The following LIN28A variants were observed in gnomAD, a reference collection of about 807,000 sequenced individuals.
LIN28A encodes the protein lin-28 RNA binding posttranscriptional regulator A.
LIN28A carries 11 observed loss-of-function variants against 21.1 expected under a neutral mutation model. The ratio of observed to expected loss-of-function variants is 0.52; its 90% CI spans 0.33 to 0.86. The LOEUF is 0.86. LIN28A is among the 40% of genes least tolerant of loss of function. LIN28A has a pLI of 0.03. For missense variants in LIN28A, 219 were observed against 279.8 expected (o/e 0.78, Z 1.55); for synonymous variants, 111 against 108.7 (o/e 1.02, Z -0.13).
Position 26,426,375 on chromosome 1 carries a change from A to G in LIN28A, c.547A>G (p.Ser183Gly). 1 of 1,610,800 alleles carries G rather than the reference A, an allele frequency of 6.2e-7. No individual in the cohort carries two copies. The highest frequency in any genetic ancestry group is 1.1e-5 in the South Asian group (1 of 91,006). The change falls in exon 4 of 4, where the codon AGT (serine) becomes GGT (glycine). Residue 183 changes from serine (S) to glycine (G), a missense_variant. Transcript: ENST00000326279. ...TCCGCTGAAGGCCCAGCAGGGCCCTAGTGCACAGGGAAAGCCAACCTACTT... is the reference window on the plus strand; with the variant it reads ...TCCGCTGAAGGCCCAGCAGGGCCCTGGTGCACAGGGAAAGCCAACCTACTT... Reference protein sequence around the residue: ...SCPLKAQQGPSAQGKPTYFRE... With the variant: ...SCPLKAQQGPGAQGKPTYFRE...
rs974066359 is a variant in LIN28A at position 26,411,911 on chromosome 1, G to C, written c.228+329G>C. 1.3e-5 allele frequency among the ~76,000 whole-genome samples: 2 copies of C among 152,230 alleles called. No homozygotes were observed. The highest frequency in any genetic ancestry group is 2.4e-5 in the African/African-American group (1 of 41,460). On this transcript the variant is annotated intron_variant, in intron 2 of 3. Transcript: ENST00000326279. The surrounding 1 kb of genome is among the most constrained non-coding windows in gnomAD (Gnocchi z 5.4). ...TAAGGTTGTATTGTGCTTGCCGGTG[G>C]GGGGAGGGCGAGCAGGCCGGCCAGG...
Position 26,410,817 on chromosome 1 carries a change from C to T in LIN28A, c.-75C>T. The T allele has an allele frequency of 6.6e-7, 1 of 1,518,804 alleles. No individual in the cohort carries two copies. 94.1% of individuals were successfully genotyped at this position (1,518,804 alleles called of 1,614,324 possible). ...GTAGCAGCTTCTTCTCCGAACCAAC[C>T]CTTTGCCTTCGGACTTCTCCGGGGC... On this transcript the variant is annotated 5_prime_UTR_variant, in exon 1 of 4. Coordinates refer to ENST00000326279, the MANE Select transcript of LIN28A (RefSeq NM_024674.6).
Position 26,411,011 on chromosome 1 carries a change from C to A in LIN28A, c.31+89C>A. 6.6e-7 allele frequency: 1 copy of A among 1,504,664 alleles called. No individual in the cohort carries two copies. The highest frequency in any genetic ancestry group is 9.0e-7 in the Non-Finnish European group (1 of 1,115,720). The allele number at this position is 1,504,664 out of a possible 1,614,324, so 93.2% of individuals were successfully genotyped here. On this transcript the variant is annotated intron_variant, in intron 1 of 3. Transcript: ENST00000326279. This position sits in a 1 kb window ranked among gnomAD's most constrained non-coding sequence, Gnocchi z 5.4. ...GGGAGGTGGGGAACTGAGTCCTAGG[C>A]TGCCCAAAGGACCCCAAGACGGTGC...
chr1:26,426,292 C>G lies in LIN28A; in HGVS notation c.464C>G (p.Pro155Arg). ...CATCATGCCAAGGAATGCAAGCTGC[C>G]ACCCCAGCCCAAGAAGTGCCACTTC... ...LDHHAKECKL[P>R]PQPKKCHFCQ... is the part of the protein sequence containing the mutation. Residue 155 changes from proline to arginine, a missense_variant, in exon 4 of 4, where the codon CCA becomes CGA. Pro to Arg is a moderately radical substitution (Grantham distance 103, BLOSUM62 -2). This residue lies in a region of LIN28A where 124 missense variants were observed against 193.1 expected (regional missense o/e 0.64). Transcript: ENST00000326279. The G allele has an allele frequency of 6.2e-7, 1 of 1,614,192 alleles. No homozygotes were observed. Among genetic ancestry groups the G allele is most frequent in the East Asian group, 2.2e-5 (1 of 44,890 alleles).
Position 26,428,920 on chromosome 1 carries a change from A to G in LIN28A, c.*2462A>G, listed in dbSNP as rs1358911167. ...GGTGGCTCACACCTGTAATCCCAGC[A>G]CTTTGGAAGGCTGAGGCGGGCGGAT... is the stretch of plus-strand genomic sequence containing the variant. On this transcript the variant is annotated 3_prime_UTR_variant, in exon 4 of 4. Transcript: ENST00000326279. 1 of 152,396 alleles carries G rather than the reference A, an allele frequency of 6.6e-6. No individual in the cohort carries two copies. Among genetic ancestry groups the G allele is most frequent in the Non-Finnish European group, 1.5e-5 (1 of 68,262 alleles). The allele number at this position is 152,396 out of a possible 1,614,324, so 9.4% of individuals were successfully genotyped here.
At chr1:26,421,132 C>T (rs1194120320) in intron 2 of LIN28A, among the ~76,000 whole-genome samples, 4 of 151,890 alleles carry the variant, frequency 2.6e-5, no homozygotes, top group Non-Finnish European at 4.4e-5. Flanking sequence ...TTATTCCATA[C>T]ATATTGTTCT....
intron 2 of LIN28A, among the ~76,000 whole-genome samples, chr1:26,416,124 C>T (rs1291548140): frequency 6.6e-6 from 1 of 152,106 alleles, no homozygotes; most frequent in Non-Finnish European, 1.5e-5. Flanking sequence ...TCCCAAGTAG[C>T]TGGGATTACA....
Position 26,411,371 on chromosome 1 carries a change from C to G in LIN28A, c.32-15C>G. Reference sequence around the variant, plus strand: ...CGTGCCCCCCAGCTAAGTGCCCGGCCCTCCCTCTCTCCAGGTGGCTGCGCC... The same window carrying G: ...CGTGCCCCCCAGCTAAGTGCCCGGCGCTCCCTCTCTCCAGGTGGCTGCGCC... On this transcript the variant is annotated splice_polypyrimidine_tract_variant and intron_variant, in intron 1 of 3. Transcript: ENST00000326279. This position sits in a 1 kb window ranked among gnomAD's most constrained non-coding sequence, Gnocchi z 5.4. The G allele has an allele frequency of 6.4e-7, 1 of 1,564,340 alleles. No individual in the cohort carries two copies. Among genetic ancestry groups the G allele is most frequent in the Non-Finnish European group, 8.6e-7 (1 of 1,160,184 alleles).
Position 26,428,260 on chromosome 1 carries a change from G to A in LIN28A, c.*1802G>A, listed in dbSNP as rs1444518512. 6.6e-6 allele frequency: 1 copy of A among 152,526 alleles called. No homozygotes were observed. The highest frequency in any genetic ancestry group is 1.9e-4 in the East Asian group (1 of 5,192). 9.4% of individuals were successfully genotyped at this position (152,526 alleles called of 1,614,324 possible). On this transcript the variant is annotated 3_prime_UTR_variant, in exon 4 of 4. Coordinates refer to ENST00000326279, the MANE Select transcript of LIN28A (RefSeq NM_024674.6). ...AAAGATCTGAAACATTAGTTTGGGG[G>A]GCCCTCTTCTTAAAGTGGGGATCTT...
Position 26,426,625 on chromosome 1 carries a change from A to ATG in LIN28A, c.*167_*168insTG. 1 of 622,392 alleles carries ATG rather than the reference A, an allele frequency of 1.6e-6. No homozygotes were observed. Among genetic ancestry groups the ATG allele is most frequent in the Non-Finnish European group, 2.9e-6 (1 of 346,218 alleles). 38.6% of individuals were successfully genotyped at this position (622,392 alleles called of 1,614,324 possible). The stretch of plus-strand genomic sequence containing the variant: ...TCCCTCTAGGTGGGGGGAAAGGGTG[A>ATG]GTCAAAGGAACTCCAACCATGCTCT... On this transcript the variant is annotated 3_prime_UTR_variant, in exon 4 of 4. Transcript: ENST00000326279.
chr1:26,426,001 T>G (rs1278105909), intron 3 of LIN28A, among the ~76,000 whole-genome samples: 2 of 152,186 alleles, frequency 1.3e-5, no homozygotes, highest in Non-Finnish European at 2.9e-5. Context: ...GTAACTTATA[T>G]TTCTGGTATC....
In LIN28A at chr1:26,411,048, T is replaced by G; in HGVS notation, c.31+126T>G. ...CCCCAAGACGGTGCGGCCTTCTGCT[T>G]CATAGGGCCGTCTCTGGGGCCAGGA... On this transcript the variant is annotated intron_variant, in intron 1 of 3. Coordinates refer to ENST00000326279, the MANE Select transcript of LIN28A (RefSeq NM_024674.6). This position sits in a 1 kb window ranked among gnomAD's most constrained non-coding sequence, Gnocchi z 5.4. The G allele has an allele frequency of 8.1e-7, 1 of 1,230,400 alleles. No individual in the cohort carries two copies. Among genetic ancestry groups the G allele is most frequent in the Non-Finnish European group, 1.1e-6 (1 of 896,014 alleles). 76.2% of individuals were successfully genotyped at this position (1,230,400 alleles called of 1,614,324 possible).
rs558060339 is a variant in LIN28A at position 26,426,402 on chromosome 1, C to G, written c.574C>G (p.Arg192Gly). 3.2e-5 allele frequency: 51 copies of G among 1,614,166 alleles called. No individual in the cohort carries two copies. The East Asian group carries it at 1.1e-3, about 36-fold the overall frequency. ...TGCACAGGGAAAGCCAACCTACTTT[C>G]GAGAGGAAGAAGAAGAAATCCACAG... ...PSAQGKPTYF[R>G]EEEEEIHSPT... Residue 192 changes from arginine to glycine, a missense_variant, in exon 4 of 4, where the codon CGA becomes GGA. This residue lies in a region of LIN28A where 45 missense variants were observed against 37.7 expected (regional missense o/e 1.19). Coordinates refer to ENST00000326279, the MANE Select transcript of LIN28A (RefSeq NM_024674.6).
At position 26,427,991 on chromosome 1, in the gene LIN28A, A is replaced by ACC. The variant is rs2075069620; in HGVS notation, c.*1533_*1534insCC. 6.6e-6 allele frequency: 1 copy of ACC among 152,646 alleles called. No homozygotes were observed. Among genetic ancestry groups the ACC allele is most frequent in the African/African-American group, 2.4e-5 (1 of 41,440 alleles). The allele number at this position is 152,646 out of a possible 1,614,324, so 9.5% of individuals were successfully genotyped here. On this transcript the variant is annotated 3_prime_UTR_variant, in exon 4 of 4. Coordinates refer to ENST00000326279, the MANE Select transcript of LIN28A (RefSeq NM_024674.6). ...TGTTGAAACGGGACAAATGCAATAGAACGCATTGGGTGGTGTGTGTCTGAT... is the reference window on the plus strand; with the variant it reads ...TGTTGAAACGGGACAAATGCAATAGACCACGCATTGGGTGGTGTGTGTCTGAT...
chr1:26,412,348 T>C (rs1278348991), intron 2 of LIN28A, among the ~76,000 whole-genome samples: 1 of 152,182 alleles, frequency 6.6e-6, no homozygotes, highest in African/African-American at 2.4e-5. Flanking sequence ...GGCTGGCCTC[T>C]GGTCCTATTC....
intron 2 of LIN28A, among the ~76,000 whole-genome samples, chr1:26,424,829 C>T (rs2075049076): frequency 6.6e-6 from 1 of 152,128 alleles, no homozygotes; most frequent in Non-Finnish European, 1.5e-5. Flanking sequence ...GCAACCTTTG[C>T]TTCCTGGGTT....
chr1:26,411,398 A>G lies in LIN28A; in HGVS notation c.44A>G (p.Lys15Arg), dbSNP rs1229611553. The G allele has an allele frequency of 1.3e-6, 2 of 1,596,996 alleles. No individual in the cohort carries two copies. Among genetic ancestry groups the G allele is most frequent in the South Asian group, 1.1e-5 (1 of 89,392 alleles). The change falls in exon 2 of 4, where the codon AAG (lysine) becomes AGG (arginine). Residue 15 changes from lysine (K) to arginine (R), a missense_variant. By Grantham distance (26) the Lys-to-Arg change is conservative. Around this residue, in one of 3 missense-constraint regions of LIN28A, gnomAD observed 50 missense variants for 49.0 expected, o/e 1.02. Transcript: ENST00000326279. The surrounding 1 kb of genome is among the most constrained non-coding windows in gnomAD (Gnocchi z 5.4). ...SNQQFAGGCA[K>R]AAEEAPEEAP... ...TCCCTCTCTCCAGGTGGCTGCGCCA[A>G]GGCGGCAGAAGAGGCGCCCGAGGAG...
chr1:26,422,612 CT>C (rs2075034253), intron 2 of LIN28A, among the ~76,000 whole-genome samples: 2 of 152,132 alleles, frequency 1.3e-5, no homozygotes, highest in Admixed American at 1.3e-4. Context: ...GTCATAAGTC[CT>C]TAGTGCATCA....
intron 2 of LIN28A, among the ~76,000 whole-genome samples, chr1:26,414,130 T>C (rs2074979338): frequency 6.6e-6 from 1 of 152,004 alleles, no homozygotes; most frequent in South Asian, 2.1e-4. Flanking sequence ...CTCTTCTGCA[T>C]TTGTGAAATT....
Sources: gnomAD v4.1 joint callset for allele counts (sites outside exome capture counted in the v4.1 genomes callset) on GRCh38, gnomAD v4.1.1 for gene constraint, gnomAD v4.1.1 regional missense constraint, Gnocchi (gnomAD v3.1) non-coding constraint, MANE v1.5 for transcripts, NCBI Gene and HGNC (gene_info 2026-07-23, HGNC 2026-07-21) for gene names.